The following CSTPP1 variants were observed in gnomAD, a reference collection of about 807,000 sequenced individuals.
CSTPP1 encodes the protein centriolar satellite-associated tubulin polyglutamylase complex regulator 1, also known as UPF0705 protein C11orf49.
the CSTPP1 span, among the ~76,000 whole-genome samples, chr11:47,128,641 G>A: frequency 6.6e-6 from 1 of 152,108 alleles, no homozygotes; most frequent in Admixed American, 6.5e-5. Context: ...TCCCGTCTTG[G>A]CCTCCCAAAG....
At chr11:47,161,920 A>G in the CSTPP1 span, 1 of 1,204,926 alleles carries the variant, frequency 8.3e-7, no homozygotes, top group Non-Finnish European at 1.0e-6. Context: ...GTAGCCTGTT[A>G]GTCCTCCTAA....
At chr11:46,962,706 C>T in the CSTPP1 span, among the ~76,000 whole-genome samples, 1 of 152,062 alleles carries the variant, frequency 6.6e-6, no homozygotes, top group Non-Finnish European at 1.5e-5. Flanking sequence ...GCACTGTTTT[C>T]TCTATTTCAC....
chr11:47,028,108 A>G, the CSTPP1 span, among the ~76,000 whole-genome samples: 6,174 of 152,056 alleles, frequency 0.041, 178 homozygotes, highest in Non-Finnish European at 0.064. Context: ...TATTTTTAGT[A>G]GAGACGGGGT....
At chr11:47,012,226 C>T in the CSTPP1 span, among the ~76,000 whole-genome samples, 3 of 152,142 alleles carry the variant, frequency 2.0e-5, no homozygotes. Flanking sequence ...CACTGCACTC[C>T]AACCTGGGCA....
At chr11:47,142,640 G>C in the CSTPP1 span, among the ~76,000 whole-genome samples, 1 of 151,988 alleles carries the variant, frequency 6.6e-6, no homozygotes, top group Non-Finnish European at 1.5e-5. Context: ...TGATGTGAGG[G>C]AGCTTATGAG....
At chr11:47,031,239 T>C in the CSTPP1 span, among the ~76,000 whole-genome samples, 1 of 152,342 alleles carries the variant, frequency 6.6e-6, no homozygotes, top group East Asian at 1.9e-4. Context: ...AATAGAATTC[T>C]GTATGACTTT....
chr11:47,054,345 C>T, the CSTPP1 span, among the ~76,000 whole-genome samples: 3 of 151,226 alleles, frequency 2.0e-5, no homozygotes, highest in African/African-American at 7.3e-5. Flanking sequence ...ACCCTGTTGC[C>T]CAGGCTGGAG....
the CSTPP1 span, among the ~76,000 whole-genome samples, chr11:46,970,921 C>G: frequency 6.6e-6 from 1 of 152,110 alleles, no homozygotes; most frequent in Non-Finnish European, 1.5e-5. Context: ...ATGATAGATA[C>G]TACGATGTAG....
the CSTPP1 span, among the ~76,000 whole-genome samples, chr11:47,134,392 C>T: frequency 1.3e-5 from 2 of 151,978 alleles, no homozygotes; most frequent in Non-Finnish European, 2.9e-5. Context: ...GTTTTTGCCA[C>T]GTTGGCCAGG....
chr11:46,987,104 C>G, the CSTPP1 span: 1 of 1,059,042 alleles, frequency 9.4e-7, no homozygotes, highest in Non-Finnish European at 1.4e-6. Context: ...TCAGACAGAG[C>G]CAACACCTGG....
chr11:46,989,689 C>T, the CSTPP1 span, among the ~76,000 whole-genome samples: 587 of 152,256 alleles, frequency 3.9e-3, 2 homozygotes, highest in Non-Finnish European at 4.4e-3. Context: ...TTTCTTCCAA[C>T]TTTTATTTTA....
At chr11:47,033,836 C>G in the CSTPP1 span, among the ~76,000 whole-genome samples, 25 of 152,152 alleles carry the variant, frequency 1.6e-4, no homozygotes, top group African/African-American at 6.0e-4. Context: ...CCTTATAACC[C>G]CCTGACTTAG....
At chr11:46,970,290 A>T in the CSTPP1 span, among the ~76,000 whole-genome samples, 2 of 151,910 alleles carry the variant, frequency 1.3e-5, no homozygotes, top group African/African-American at 4.8e-5. Context: ...ATGCCAAAGA[A>T]CAAATCTATT....
the CSTPP1 span, among the ~76,000 whole-genome samples, chr11:47,017,648 G>C: frequency 1.3e-5 from 2 of 149,484 alleles, no homozygotes; most frequent in Admixed American, 1.3e-4. Context: ...CATATCCATG[G>C]ACTTATACAA....
the CSTPP1 span, among the ~76,000 whole-genome samples, chr11:46,945,413 G>A: frequency 1.3e-5 from 2 of 151,980 alleles, no homozygotes; most frequent in East Asian, 1.9e-4. Flanking sequence ...TCAGGAGTTC[G>A]AGACCAGCTT....
the CSTPP1 span, among the ~76,000 whole-genome samples, chr11:47,080,405 A>G: frequency 1.3e-5 from 2 of 152,246 alleles, no homozygotes; most frequent in Admixed American, 1.3e-4. Flanking sequence ...CAGTGAGCCA[A>G]GATCGTGCCA....
chr11:47,134,903 G>C, the CSTPP1 span, among the ~76,000 whole-genome samples: 2 of 152,166 alleles, frequency 1.3e-5, no homozygotes, highest in Non-Finnish European at 2.9e-5. Context: ...GAGGCGGGAA[G>C]TTCAAGACTA....
At chr11:47,052,287 C>T in the CSTPP1 span, 1 of 1,418,398 alleles carries the variant, frequency 7.1e-7, no homozygotes, top group African/African-American at 1.5e-5. Context: ...GAGAAAAATT[C>T]CCCGTTTTTG....
chr11:47,049,017 G>T, the CSTPP1 span, among the ~76,000 whole-genome samples: 1 of 151,948 alleles, frequency 6.6e-6, no homozygotes, highest in Non-Finnish European at 1.5e-5. Context: ...ACAGGGTCTT[G>T]CTCTGTCACC....
Sources: gnomAD v4.1 joint callset for allele counts (sites outside exome capture counted in the v4.1 genomes callset) on GRCh38, gnomAD v4.1.1 for gene constraint, MANE v1.5 for transcripts, NCBI Gene and HGNC (gene_info 2026-07-23, HGNC 2026-07-21) for gene names.